Variants in CDH23 observed in about 807,000 individuals in gnomAD.
CDH23 encodes the protein cadherin-23.
Under a neutral mutation model 317.1 loss-of-function variants are expected in CDH23, and 189 were observed. That is an observed-to-expected ratio of 0.60 (90% CI 0.53 to 0.67). The LOEUF (loss-of-function observed/expected upper bound fraction) is 0.67, where lower values mean the gene tolerates loss of function less well. CDH23 is among the 30% of genes least tolerant of loss of function. CDH23 has a pLI of 0.00. For missense variants in CDH23, 4,401 were observed against 4,592.4 expected (o/e 0.96, Z 1.20); for synonymous variants, 1,839 against 1,876.8 (o/e 0.98, Z 0.52).
At chr10:71,567,214 A>G (rs1036879013) in intron 7 of CDH23, among the ~76,000 whole-genome samples, 5 of 152,194 alleles carry the variant, frequency 3.3e-5, no homozygotes, top group Non-Finnish European at 7.4e-5. Flanking sequence ...GAGAAAACTG[A>G]GGCACAGGAG....
chr10:71,753,025 G>T (rs1021610589), intron 38 of CDH23: 2 of 1,610,950 alleles, frequency 1.2e-6, no homozygotes, highest in African/African-American at 2.7e-5. Context: ...AGACAGAGAA[G>T]CTGGTCATGG....
intron 26 of CDH23, among the ~76,000 whole-genome samples, chr10:71,707,957 T>G (rs915101771): frequency 3.3e-5 from 5 of 152,094 alleles, no homozygotes; most frequent in African/African-American, 9.7e-5. Flanking sequence ...AGCCTTCCCT[T>G]TCTTCCCTCA....
intron 26 of CDH23, 116 bp from the exon 27 acceptor site, chr10:71,708,982 A>G: frequency 1.1e-6 from 1 of 921,858 alleles, no homozygotes; most frequent in Non-Finnish European, 1.7e-6. Flanking sequence ...AATCAGCAGC[A>G]CAGCCTCCCA....
At chr10:71,469,268 T>C (rs1851397244) in intron 3 of CDH23, among the ~76,000 whole-genome samples, 1 of 152,004 alleles carries the variant, frequency 6.6e-6, no homozygotes, top group Non-Finnish European at 1.5e-5. Flanking sequence ...CACCCCCAGG[T>C]TTCCTCATGC....
At chr10:71,768,158 T>A (rs1400780221) in intron 38 of CDH23, among the ~76,000 whole-genome samples, 1 of 152,196 alleles carries the variant, frequency 6.6e-6, no homozygotes, top group African/African-American at 2.4e-5. Flanking sequence ...TTTGGTTGGC[T>A]TTGTTGCTGT....
chr10:71,809,648 C>T (rs541965648), intron 60 of CDH23, among the ~76,000 whole-genome samples, 172 bp from the exon 61 acceptor site: 2 of 152,350 alleles, frequency 1.3e-5, no homozygotes, highest in East Asian at 3.9e-4. Flanking sequence ...GCCATTTCCA[C>T]TTCAGATGGG....
intron 11 of CDH23, among the ~76,000 whole-genome samples, chr10:71,628,895 G>C (rs1484154355): frequency 6.6e-6 from 1 of 152,224 alleles, no homozygotes; most frequent in Non-Finnish European, 1.5e-5. Context: ...ACTAGTGCTA[G>C]CATCAACACA....
chr10:71,531,256 G>A (rs1855359841), intron 6 of CDH23, among the ~76,000 whole-genome samples: 1 of 152,122 alleles, frequency 6.6e-6, no homozygotes, highest in South Asian at 2.1e-4. Flanking sequence ...CCTCAGAGCT[G>A]TCCTTCATTT....
chr10:71,729,648 T>C (rs1373723346), intron 30 of CDH23, among the ~76,000 whole-genome samples: 1 of 152,178 alleles, frequency 6.6e-6, no homozygotes, highest in Non-Finnish European at 1.5e-5. Flanking sequence ...GGTGCACAAG[T>C]AAAGAGTACT....
intron 38 of CDH23, chr10:71,753,132 T>TC: frequency 9.3e-7 from 1 of 1,077,944 alleles, no homozygotes; most frequent in Non-Finnish European, 1.3e-6. Flanking sequence ...AGCTCCGGAC[T>TC]CCATTTCTTT....
intron 3 of CDH23, 40 bp downstream of exon 3, chr10:71,446,435 G>T: frequency 6.3e-7 from 1 of 1,580,944 alleles, no homozygotes. Flanking sequence ...CAGATGGCCT[G>T]GGGTGCAATC....
At position 71,803,026 on chromosome 10, in the gene CDH23, T is replaced by C. The variant is rs1208761575; in HGVS notation, c.7611T>C (p.Asp2537=). 1 of 1,613,756 alleles carries C rather than the reference T, an allele frequency of 6.2e-7. No homozygotes were observed. Among genetic ancestry groups the C allele is most frequent in the African/African-American group, 1.3e-5 (1 of 74,872 alleles). The change falls in exon 54 of 70, where the codon GAT becomes GAC. Residue 2537 remains aspartate, a synonymous_variant. Coordinates refer to ENST00000224721, the MANE Select transcript of CDH23 (RefSeq NM_022124.6). ...TCACCATGATGGCCACTGACCAGGATGAAGGTCCCAATGGAGAGTTGACCT... is the reference window on the plus strand; with the variant it reads ...TCACCATGATGGCCACTGACCAGGACGAAGGTCCCAATGGAGAGTTGACCT... The part of the protein sequence containing the change: ...SVITMMATDQ[D]EGPNGELTYS...
At chr10:71,640,110 G>A (rs1399531011) in intron 11 of CDH23, among the ~76,000 whole-genome samples, 1 of 152,220 alleles carries the variant, frequency 6.6e-6, no homozygotes, top group African/African-American at 2.4e-5. Context: ...GGGTCAGGAA[G>A]CTGTCCCGAA....
At position 71,646,539 on chromosome 10, in the gene CDH23, G is replaced by C. The variant is rs1475717236; in HGVS notation, c.1371G>C (p.Arg457=). The C allele has an allele frequency of 6.2e-7, 1 of 1,613,976 alleles. No individual in the cohort carries two copies. Among genetic ancestry groups the C allele is most frequent in the Admixed American group, 1.7e-5 (1 of 60,016 alleles). Residue 457 remains arginine, a synonymous_variant, in exon 14 of 70, where the codon CGG becomes CGC. Transcript: ENST00000224721. The part of the protein sequence containing the change: ...KITLINENDN[R]PIFSQPLYNI... ...CTCTCATCAATGAAAATGACAACCG[G>C]CCCATCTTCAGCCAGCCACTGTACA...
In CDH23 at chr10:71,704,898, T is replaced by G. The variant is rs778657054; in HGVS notation, c.2734-13T>G. Reference sequence around the variant, plus strand: ...CCCCTCCCCACCCTCATGCTGCCCCTCCTTGCCCTCAGGTGGTGGCCATCG... The same window carrying G: ...CCCCTCCCCACCCTCATGCTGCCCCGCCTTGCCCTCAGGTGGTGGCCATCG... On this transcript the variant is annotated splice_polypyrimidine_tract_variant and intron_variant, in intron 24 of 69. Coordinates refer to ENST00000224721, the MANE Select transcript of CDH23 (RefSeq NM_022124.6). 2 of 1,603,992 alleles carry G rather than the reference T, an allele frequency of 1.2e-6. No individual in the cohort carries two copies. The highest frequency in any genetic ancestry group is 2.7e-5 in the African/African-American group (2 of 74,730).
At chr10:71,598,068 T>C (rs779093722) in intron 9 of CDH23, among the ~76,000 whole-genome samples, 1 of 152,188 alleles carries the variant, frequency 6.6e-6, no homozygotes, top group Non-Finnish European at 1.5e-5. Context: ...GGACCAAGCA[T>C]GGTGGGGCTG....
At chr10:71,405,230 C>T (rs1314140033) in intron 1 of CDH23, among the ~76,000 whole-genome samples, 2 of 152,080 alleles carry the variant, frequency 1.3e-5, no homozygotes, top group African/African-American at 4.8e-5. Context: ...CTTTATTCTC[C>T]TCCAGCACCC....
At chr10:71,759,828 C>CAG (rs1840254305) in intron 38 of CDH23, among the ~76,000 whole-genome samples, 1 of 60,594 alleles carries the variant, frequency 1.7e-5, no homozygotes, top group Non-Finnish European at 4.3e-5. Context: ...TATACACACA[C>CAG]ACACACACAC....
chr10:71,531,310 T>C (rs555689648), intron 6 of CDH23, among the ~76,000 whole-genome samples: 46 of 152,166 alleles, frequency 3.0e-4, no homozygotes, highest in Non-Finnish European at 5.4e-4. Flanking sequence ...GCATTCTAGC[T>C]TTTTGCCAGT....
Sources: allele counts gnomAD v4.1 joint callset (sites outside exome capture counted in the v4.1 genomes callset), GRCh38; gene constraint gnomAD v4.1.1; transcripts MANE v1.5; gene names NCBI Gene and HGNC (gene_info 2026-07-23, HGNC 2026-07-21).